Variants in AFF3 observed in about 807,000 individuals in gnomAD.
AFF3 encodes AF4/FMR2 family member 3.
AFF3 carries 32 observed loss-of-function variants against 129.7 expected under a neutral mutation model. The observed-to-expected ratio is 0.25, with a 90% CI of 0.19 to 0.33. The LOEUF is 0.33. AFF3 is among the 10% of genes least tolerant of loss of function. The probability of loss-of-function intolerance (pLI) is 1.00; values close to 1 mark genes in which losing one functional copy is unlikely to be tolerated. For synonymous variants in AFF3, 644 were observed against 635.4 expected (o/e 1.01, Z -0.20); for missense variants, 1,373 against 1,592.0 (o/e 0.86, Z 2.34).
intron 8 of AFF3, among the ~76,000 whole-genome samples, chr2:99,820,390 T>C (rs1687564239): frequency 6.6e-6 from 1 of 152,036 alleles, no homozygotes; most frequent in South Asian, 2.1e-4. Context: ...GCATAAAAGG[T>C]TGAAAATGGT....
At chr2:99,605,050 C>A (rs769007036) in intron 13 of AFF3, among the ~76,000 whole-genome samples, 1 of 152,162 alleles carries the variant, frequency 6.6e-6, no homozygotes, top group African/African-American at 2.4e-5. Context: ...TCTGGGAAAG[C>A]GCCCATTCAA....
At chr2:99,939,631 C>T (rs1397431054) in intron 7 of AFF3, among the ~76,000 whole-genome samples, 2 of 152,168 alleles carry the variant, frequency 1.3e-5, no homozygotes, top group Non-Finnish European at 2.9e-5. Flanking sequence ...TTTAGAAAGG[C>T]TATGATATAC....
At chr2:99,609,841 T>C (rs185320453) in intron 13 of AFF3, among the ~76,000 whole-genome samples, 42 of 152,290 alleles carry the variant, frequency 2.8e-4, no homozygotes, top group Non-Finnish European at 5.4e-4. Flanking sequence ...ATCACATGTA[T>C]AGATTGTCAG....
intron 8 of AFF3, among the ~76,000 whole-genome samples, chr2:99,790,276 G>C (rs952662015): frequency 6.6e-6 from 1 of 152,222 alleles, no homozygotes; most frequent in African/African-American, 2.4e-5. Flanking sequence ...CTGGGCTAAC[G>C]TGGTAACTAG....
At position 99,754,515 on chromosome 2, in the gene AFF3, T is replaced by C. The variant is rs1190392090; in HGVS notation, c.922-2214A>G. ...AGAATGCCTCACATTTGTGCAATTT[T>C]TCTCTGACTGTAGCTAAAATCCAAA... On this transcript the variant is annotated intron_variant, in intron 8 of 24. Coordinates refer to ENST00000672756, the MANE Select transcript of AFF3 (RefSeq NM_001386135.1). Among the ~76,000 whole-genome samples, 4 of 152,244 alleles carry C rather than the reference T, an allele frequency of 2.6e-5. No individual in the cohort carries two copies. The East Asian group carries it at 7.7e-4, about 29-fold the overall frequency.
At chr2:99,879,991 A>T (rs1437718232) in intron 7 of AFF3, among the ~76,000 whole-genome samples, 1 of 152,238 alleles carries the variant, frequency 6.6e-6, no homozygotes, top group Non-Finnish European at 1.5e-5. Flanking sequence ...TTACGTGTTC[A>T]TTTAATTGCT....
chr2:99,807,504 C>T (rs544314991), intron 8 of AFF3, among the ~76,000 whole-genome samples: 102 of 152,286 alleles, frequency 6.7e-4, no homozygotes, highest in African/African-American at 2.2e-3. Context: ...AGTCCCAATT[C>T]ATAAATTCTA....
chr2:99,601,234 A>G (rs1411264412), intron 14 of AFF3, among the ~76,000 whole-genome samples: 1 of 152,222 alleles, frequency 6.6e-6, no homozygotes, highest in Non-Finnish European at 1.5e-5. Flanking sequence ...TGTACTTCAA[A>G]GGAACCTGTG....
At chr2:99,802,134 T>G (rs2105512451) in intron 8 of AFF3, among the ~76,000 whole-genome samples, 1 of 152,338 alleles carries the variant, frequency 6.6e-6, no homozygotes, top group Non-Finnish European at 1.5e-5. Flanking sequence ...CTTTCAAAGC[T>G]CACTACTTAG....
At chr2:100,104,217 G>A (rs3111902) in intron 4 of AFF3, among the ~76,000 whole-genome samples, 185 bp downstream of exon 4, 11 of 151,782 alleles carry the variant, frequency 7.2e-5, no homozygotes, top group African/African-American at 2.4e-4. Context: ...GGAAACAGAC[G>A]GGCAGGCGGC....
chr2:99,964,494 A>C (rs1677542141), intron 7 of AFF3, among the ~76,000 whole-genome samples: 1 of 152,178 alleles, frequency 6.6e-6, no homozygotes, highest in Non-Finnish European at 1.5e-5. Flanking sequence ...TTAAACATTC[A>C]TTTCTAAATA....
chr2:99,980,155 G>A (rs772286579), intron 7 of AFF3, among the ~76,000 whole-genome samples: 22 of 152,154 alleles, frequency 1.4e-4, no homozygotes, highest in Non-Finnish European at 4.4e-5. Context: ...AAAATTCTGA[G>A]TTTCATATTC....
intron 7 of AFF3, among the ~76,000 whole-genome samples, chr2:99,993,418 C>T (rs576920870): frequency 4.7e-4 from 72 of 152,084 alleles, no homozygotes; most frequent in Non-Finnish European, 1.6e-4. Context: ...TAATTAAAAT[C>T]TTGTAAATTC....
At chr2:99,605,056 T>C (rs1235715604) in intron 13 of AFF3, among the ~76,000 whole-genome samples, 1 of 152,246 alleles carries the variant, frequency 6.6e-6, no homozygotes, top group Non-Finnish European at 1.5e-5. Flanking sequence ...AAAGCGCCCA[T>C]TCAACAGTTA....
At chr2:99,950,423 A>G (rs530273751) in intron 7 of AFF3, among the ~76,000 whole-genome samples, 1 of 152,182 alleles carries the variant, frequency 6.6e-6, no homozygotes, top group Non-Finnish European at 1.5e-5. Flanking sequence ...ATAAAAATAC[A>G]TGGGTTGAAT....
intron 7 of AFF3, among the ~76,000 whole-genome samples, chr2:99,898,534 T>C (rs1462875329): frequency 6.6e-6 from 1 of 152,216 alleles, no homozygotes; most frequent in African/African-American, 2.4e-5. Context: ...AGTGCTTCTG[T>C]GAGCCACTGG....
intron 11 of AFF3, among the ~76,000 whole-genome samples, chr2:99,715,310 G>T (rs367851326): frequency 6.6e-6 from 1 of 152,200 alleles, no homozygotes; most frequent in African/African-American, 2.4e-5. Flanking sequence ...AAAAAGAAGA[G>T]AAAAATTCTA....
intron 12 of AFF3, among the ~76,000 whole-genome samples, chr2:99,655,814 A>G (rs942858921): frequency 6.6e-6 from 1 of 152,166 alleles, no homozygotes; most frequent in African/African-American, 2.4e-5. Context: ...GATGAATGGA[A>G]TTGGGTAGGA....
intron 7 of AFF3, among the ~76,000 whole-genome samples, chr2:99,885,730 A>C (rs184085796): frequency 6.6e-6 from 1 of 152,072 alleles, no homozygotes; most frequent in African/African-American, 2.4e-5. Context: ...ACTTGTCTGT[A>C]GTGGGTCTGT....
Sources: gnomAD v4.1 joint callset for allele counts (sites outside exome capture counted in the v4.1 genomes callset) on GRCh38, gnomAD v4.1.1 for gene constraint, MANE v1.5 for transcripts, NCBI Gene and HGNC (gene_info 2026-07-23, HGNC 2026-07-21) for gene names.